The following ATG2A variants were observed in gnomAD, a reference collection of about 807,000 sequenced individuals.
ATG2A encodes the protein autophagy related 2A.
ATG2A carries 103 observed loss-of-function variants against 214.2 expected under a neutral mutation model. The observed-to-expected ratio is 0.48, with a 90% CI of 0.41 to 0.57. ATG2A has a LOEUF of 0.57. ATG2A is among the 20% of genes least tolerant of loss of function. The pLI, the probability that ATG2A is intolerant of heterozygous loss-of-function variation, is 0.00. For missense variants in ATG2A, 2,312 were observed against 2,613.2 expected, an observed-to-expected ratio of 0.88 and a Z score of 2.51; for synonymous variants, 1,160 against 1,142.1, an observed-to-expected ratio of 1.02 and a Z score of -0.32.
intron 39 of ATG2A, 56 bp downstream of exon 39, chr11:64,896,406 G>A: frequency 1.3e-6 from 2 of 1,546,832 alleles, no homozygotes; most frequent in Non-Finnish European, 1.8e-6. Context: ...GAGCTGTGGT[G>A]CAGAGGGCTC....
rs1233134272 is a variant in ATG2A, at chr11:64,895,327, C to A, written c.5543G>T (p.Arg1848Leu). Reference protein sequence around the residue: ...LRRGQQPADLREGVAKAYDTV... With the variant: ...LRRGQQPADLLEGVAKAYDTV... ...GTCGTAGGCCTTGGCCACACCCTCC[C>A]GCAGGTCGGCAGGCTGCTGGCCCCT... The change falls in exon 40 of 41, where the codon CGG becomes CTG. Residue 1848 changes from arginine to leucine, a missense_variant. Physicochemically the swap from Arg to Leu is moderately radical, Grantham distance 102. Coordinates refer to ENST00000377264, the MANE Select transcript of ATG2A (RefSeq NM_015104.3). This position sits in a 1 kb window ranked among gnomAD's most constrained non-coding sequence, Gnocchi z 5.0. 2 of 1,613,390 alleles carry A rather than the reference C, an allele frequency of 1.2e-6. No individual in the cohort carries two copies. The highest frequency in any genetic ancestry group is 1.3e-5 in the African/African-American group (1 of 75,046).
Position 64,902,394 on chromosome 11 carries a change from A to C in ATG2A, c.3778-8T>G, listed in dbSNP as rs1219989095. ...GGCAGGACTCTCCGAGAGCTGGGCC[A>C]GGCAGGGGAGGAGCAATGAGTGAGA... On this transcript the variant is annotated splice_polypyrimidine_tract_variant and splice_region_variant and intron_variant, in intron 27 of 40. Coordinates refer to ENST00000377264, the MANE Select transcript of ATG2A (RefSeq NM_015104.3). The C allele has an allele frequency of 6.4e-7, 1 of 1,554,612 alleles. No homozygotes were observed. Among genetic ancestry groups the C allele is most frequent in the Admixed American group, 1.9e-5 (1 of 52,122 alleles).
rs374120197 is a variant in ATG2A at position 64,905,551 on chromosome 11, C to A, written c.3464+12G>T. 1.9e-6 allele frequency: 3 copies of A among 1,605,442 alleles called. No individual in the cohort carries two copies. The highest frequency in any genetic ancestry group is 1.7e-5 in the Admixed American group (1 of 58,464). On this transcript the variant is annotated intron_variant, in intron 24 of 40. Coordinates refer to ENST00000377264, the MANE Select transcript of ATG2A (RefSeq NM_015104.3). ...GAGGGTGGGATGGCCCAGTGTGGGGCGGCCTGCATACCTGAGCAGGAAGGT... is the reference window on the plus strand; with the variant it reads ...GAGGGTGGGATGGCCCAGTGTGGGGAGGCCTGCATACCTGAGCAGGAAGGT...
At chr11:64,900,469 A>T (rs1465830671) in intron 31 of ATG2A, 25 bp downstream of exon 31, 3 of 1,612,698 alleles carry the variant, frequency 1.9e-6, no homozygotes, top group Non-Finnish European at 2.5e-6. Flanking sequence ...ACACACGTGT[A>T]GTAGGCACTC....
chr11:64,895,438 G>T lies in ATG2A; in HGVS notation c.5432C>A (p.Thr1811Lys). Residue 1811 changes from threonine (T) to lysine (K), a missense_variant, in exon 40 of 41, where the codon ACA becomes AAA. By Grantham distance (78) the Thr-to-Lys change is moderately conservative. Transcript: ENST00000377264. This position sits in a 1 kb window ranked among gnomAD's most constrained non-coding sequence, Gnocchi z 5.0. ...SNRLVQAIQA[T>K]AETVYDILSP... The stretch of plus-strand genomic sequence containing the variant: ...CAGGATGTCATACACGGTCTCAGCT[G>T]TGGCCTGGGGGACATGGGAGCACTG... The T allele has an allele frequency of 6.3e-7, 1 of 1,578,288 alleles. No homozygotes were observed. The highest frequency in any genetic ancestry group is 2.3e-5 in the East Asian group (1 of 44,012).
Position 64,894,840 on chromosome 11 carries a change from G to A in ATG2A, c.*133C>T, listed in dbSNP as rs375229974. 20 of 1,093,244 alleles carry A rather than the reference G, an allele frequency of 1.8e-5. No homozygotes were observed. Among genetic ancestry groups the A allele is most frequent in the East Asian group, 7.0e-5 (3 of 42,600 alleles). 67.7% of individuals were successfully genotyped at this position (1,093,244 alleles called of 1,614,324 possible). On this transcript the variant is annotated 3_prime_UTR_variant, in exon 41 of 41. Coordinates refer to ENST00000377264, the MANE Select transcript of ATG2A (RefSeq NM_015104.3). ...CCCCTCTCACAGCAGATTGGCAACG[G>A]GCAGGCTGGGAAGGCGTCCTTCACA...
chr11:64,909,185 GC>G, intron 15 of ATG2A, 35 bp from the exon 16 acceptor site: 1 of 1,605,206 alleles, frequency 6.2e-7, no homozygotes, highest in Non-Finnish European at 8.5e-7. Flanking sequence ...GGCCTGCAGG[GC>G]CCCCGGCACC....
chr11:64,911,800 T>G, intron 9 of ATG2A, 42 bp downstream of exon 9: 4 of 1,609,756 alleles, frequency 2.5e-6, no homozygotes, highest in Non-Finnish European at 3.4e-6. Context: ...CCTCTTCCAG[T>G]CCTTCCTGTC....
chr11:64,905,106 A>C (rs1025836958), intron 24 of ATG2A, among the ~76,000 whole-genome samples: 2 of 152,040 alleles, frequency 1.3e-5, no homozygotes, highest in African/African-American at 4.8e-5. Flanking sequence ...TGCCTGCCTC[A>C]GCCTCCCAAA....
chr11:64,907,631 T>G lies in ATG2A; in HGVS notation c.2541A>C (p.Ala847=). The G allele has an allele frequency of 1.3e-6, 2 of 1,597,110 alleles. No individual in the cohort carries two copies. The highest frequency in any genetic ancestry group is 1.7e-6 in the Non-Finnish European group (2 of 1,171,614). ...INNDLLMWEP[A]DLLPTPDPAA... is the part of the protein sequence containing the mutation. ...CGGGGTCGGGGGTGGGAAGCAGATC[T>G]GCAGGCTCCCACATGAGCAGGTCGT... Residue 847 remains alanine (A), a synonymous_variant, in exon 18 of 41, where the codon GCA becomes GCC. Coordinates refer to ENST00000377264, the MANE Select transcript of ATG2A (RefSeq NM_015104.3).
In ATG2A at chr11:64,898,602, C is replaced by T; in HGVS notation, c.4671+34G>A. The T allele has an allele frequency of 1.2e-6, 2 of 1,603,514 alleles. No homozygotes were observed. Among genetic ancestry groups the T allele is most frequent in the Non-Finnish European group, 1.7e-6 (2 of 1,171,004 alleles). ...GATGTATCCCCAACGGTCTGGTGCC[C>T]TGCCCCAGGGTGGATGGTGCAGGTC... On this transcript the variant is annotated intron_variant, in intron 32 of 40. Coordinates refer to ENST00000377264, the MANE Select transcript of ATG2A (RefSeq NM_015104.3). This position sits in a 1 kb window ranked among gnomAD's most constrained non-coding sequence, Gnocchi z 4.5.
At position 64,909,915 on chromosome 11, in the gene ATG2A, G is replaced by A; in HGVS notation, c.1873C>T (p.Leu625=). The part of the protein sequence containing the change: ...EPPAGLLTEP[L]PAMEQQTVFR... Reference sequence around the variant, plus strand: ...ACCGTCTGCTGCTCCATCGCCGGCAGGGGCTCTGTCTGCAGGAGGATTGGG... The same window carrying A: ...ACCGTCTGCTGCTCCATCGCCGGCAAGGGCTCTGTCTGCAGGAGGATTGGG... Residue 625 remains leucine (L), a synonymous_variant, in exon 14 of 41, where the codon CTG becomes TTG. Transcript: ENST00000377264. The A allele has an allele frequency of 6.2e-7, 1 of 1,601,952 alleles. No individual in the cohort carries two copies. The highest frequency in any genetic ancestry group is 8.5e-7 in the Non-Finnish European group (1 of 1,174,854).
Position 64,912,122 on chromosome 11 carries a change from G to T in ATG2A, c.1050C>A (p.Asp350Glu). 1 of 1,613,950 alleles carries T rather than the reference G, an allele frequency of 6.2e-7. No individual in the cohort carries two copies. The change falls in exon 8 of 41, where the codon GAC (aspartate) becomes GAA (glutamate). Residue 350 changes from aspartate to glutamate, a missense_variant. Transcript: ENST00000377264. ...GGTTGAGAAGGGGGTTGGTAAGGGG[G>T]TCTGGGCTGAGGGGCTCAGCCACTG... ...AGAVAEPLSPDPLTNPLLNLD... is the reference protein window; with the variant it reads ...AGAVAEPLSPEPLTNPLLNLD...
In ATG2A at chr11:64,900,633, G is replaced by A. The variant is rs919164789; in HGVS notation, c.4329-4C>T. 3 of 1,598,944 alleles carry A rather than the reference G, an allele frequency of 1.9e-6. No individual in the cohort carries two copies. The highest frequency in any genetic ancestry group is 1.7e-5 in the Admixed American group (1 of 58,348). The stretch of plus-strand genomic sequence containing the variant: ...ACCTGAGAGGCCAGTTCTTGCCCTG[G>A]GAAGAGGGACAGGGGCCAAGCTGAC... On this transcript the variant is annotated splice_polypyrimidine_tract_variant and splice_region_variant and intron_variant, in intron 30 of 40. Transcript: ENST00000377264.
chr11:64,905,569 A>T lies in ATG2A; in HGVS notation c.3458T>A (p.Leu1153Gln), dbSNP rs773791965. 6.2e-7 allele frequency: 1 copy of T among 1,611,302 alleles called. No homozygotes were observed. The highest frequency in any genetic ancestry group is 8.5e-7 in the Non-Finnish European group (1 of 1,179,022). ...TGTGGGGCGGCCTGCATACCTGAGC[A>T]GGAAGGTGGAGGTGTCCATGATGAT... ...SNIIMDTSTFLLRFILDDSAL... is the reference protein window; with the variant it reads ...SNIIMDTSTFQLRFILDDSAL... The change falls in exon 24 of 41, where the codon CTG becomes CAG. Residue 1153 changes from leucine (L) to glutamine (Q), a missense_variant. By Grantham distance (113) the Leu-to-Gln change is moderately radical. Transcript: ENST00000377264.
Position 64,895,930 on chromosome 11 carries a change from T to TC in ATG2A, c.5428-489dup, listed in dbSNP as rs1362784637. Among the ~76,000 whole-genome samples the TC allele has an allele frequency of 1.3e-5, 2 of 151,912 alleles. No homozygotes were observed. The highest frequency in any genetic ancestry group is 2.9e-5 in the Non-Finnish European group (2 of 67,982). On this transcript the variant is annotated intron_variant, in intron 39 of 40. Transcript: ENST00000377264. This position sits in a 1 kb window ranked among gnomAD's most constrained non-coding sequence, Gnocchi z 5.0. ...CTGGTGCCCATGCATCCCTCCCACC[T>TC]CCCCTGGAGCCCTGCCCTCTGTCCT...
rs547862788 is a variant in ATG2A at position 64,894,818 on chromosome 11, C to T, written c.*155G>A. 14 of 946,040 alleles carry T rather than the reference C, an allele frequency of 1.5e-5. No individual in the cohort carries two copies. Among genetic ancestry groups the T allele is most frequent in the Admixed American group, 1.2e-4 (7 of 58,342 alleles). The allele number at this position is 946,040 out of a possible 1,614,324, so 58.6% of individuals were successfully genotyped here. Reference sequence around the variant, plus strand: ...AAGGCCCCAAGGCAGGGAGGCCCCCCTCTCACAGCAGATTGGCAACGGGCA... The same window carrying T: ...AAGGCCCCAAGGCAGGGAGGCCCCCTTCTCACAGCAGATTGGCAACGGGCA... On this transcript the variant is annotated 3_prime_UTR_variant, in exon 41 of 41. Transcript: ENST00000377264.
chr11:64,912,044 C>T, intron 8 of ATG2A, 41 bp downstream of exon 8: 5 of 1,612,668 alleles, frequency 3.1e-6, no homozygotes, highest in Non-Finnish European at 4.2e-6. Flanking sequence ...GCTGCACCCA[C>T]ACTAGCTGCC....
chr11:64,901,669 C>G (rs1333144111), intron 29 of ATG2A, among the ~76,000 whole-genome samples: 1 of 152,160 alleles, frequency 6.6e-6, no homozygotes, highest in Non-Finnish European at 1.5e-5. Flanking sequence ...ATCCCTCTTG[C>G]TAACTGCCCT....
Sources: allele counts gnomAD v4.1 joint callset (sites outside exome capture counted in the v4.1 genomes callset), GRCh38; gene constraint gnomAD v4.1.1; non-coding constraint Gnocchi (gnomAD v3.1); transcripts MANE v1.5; gene names NCBI Gene and HGNC (gene_info 2026-07-23, HGNC 2026-07-21).